The following PDLIM5 variants were observed in gnomAD, a reference collection of about 807,000 sequenced individuals.
The protein encoded by PDLIM5 is PDZ and LIM domain 5, also known as PDZ and LIM domain protein 5.
A neutral mutation model predicts 64.2 loss-of-function variants in PDLIM5; 34 were observed. The observed-to-expected ratio is 0.53, with a 90% CI of 0.40 to 0.71. The LOEUF (loss-of-function observed/expected upper bound fraction) is 0.71, where lower values mean the gene tolerates loss of function less well. PDLIM5 is among the 30% of genes least tolerant of loss of function. The pLI is 0.00. For synonymous variants in PDLIM5, 253 were observed against 269.1 expected (o/e 0.94, Z 0.59); for missense variants, 683 against 733.6 (o/e 0.93, Z 0.80).
intron 3 of PDLIM5, among the ~76,000 whole-genome samples, chr4:94,550,889 A>G (rs1044704718): frequency 6.6e-6 from 1 of 152,172 alleles, no homozygotes; most frequent in Non-Finnish European, 1.5e-5. Flanking sequence ...ATACTCACCT[A>G]AACTGGGGTT....
At chr4:94,460,432 T>C (rs1723772403) in intron 2 of PDLIM5, among the ~76,000 whole-genome samples, 1 of 152,126 alleles carries the variant, frequency 6.6e-6, no homozygotes, top group South Asian at 2.1e-4. Context: ...TTGTATCTGA[T>C]GGAGGAAACC....
chr4:94,468,085 A>G (rs1724532214), intron 2 of PDLIM5, among the ~76,000 whole-genome samples: 1 of 152,314 alleles, frequency 6.6e-6, no homozygotes, highest in Middle Eastern at 3.4e-3. Context: ...TGATTTTTGT[A>G]TGACTTGATG....
At chr4:94,570,444 G>A (rs907458264) in intron 3 of PDLIM5, among the ~76,000 whole-genome samples, 1 of 152,178 alleles carries the variant, frequency 6.6e-6, no homozygotes, top group Non-Finnish European at 1.5e-5. Context: ...TATGTGAAGA[G>A]TACAGTCTTT....
At chr4:94,546,140 A>G (rs979933057) in intron 3 of PDLIM5, among the ~76,000 whole-genome samples, 8 of 152,170 alleles carry the variant, frequency 5.3e-5, no homozygotes, top group African/African-American at 1.4e-4. Context: ...ACCATTTATG[A>G]TGCTTGCTTT....
At chr4:94,574,956 C>T (rs1011123543) in intron 4 of PDLIM5, among the ~76,000 whole-genome samples, 12 of 148,776 alleles carry the variant, frequency 8.1e-5, no homozygotes, top group East Asian at 2.0e-4. Flanking sequence ...AGGTGGATTA[C>T]AAGAAAGAAA....
At chr4:94,499,238 CTTTA>C (rs1381443757) in intron 2 of PDLIM5, among the ~76,000 whole-genome samples, 1 of 151,930 alleles carries the variant, frequency 6.6e-6, no homozygotes, top group Non-Finnish European at 1.5e-5. Flanking sequence ...AACCACAGGT[CTTTA>C]TTTAATTACA....
At chr4:94,653,002 G>A (rs1471135953) in intron 9 of PDLIM5, among the ~76,000 whole-genome samples, 1 of 152,132 alleles carries the variant, frequency 6.6e-6, no homozygotes, top group Non-Finnish European at 1.5e-5. Flanking sequence ...CAAGGTTTAT[G>A]TTATTGTCAG....
Position 94,623,795 on chromosome 4 carries a change from A to G in PDLIM5, c.1108+5604A>G, listed in dbSNP as rs527359133. 2.0e-4 allele frequency among the ~76,000 whole-genome samples: 30 copies of G among 152,246 alleles called. 1 individual carries two copies. In the South Asian group the frequency reaches 5.4e-3, roughly 27 times the overall value. ...TCCTGCCAAACTTGAAATTCCCACA[A>G]CAGTCATTGAAAAGGTGGGAGCACT... On this transcript the variant is annotated intron_variant, in intron 8 of 12. Coordinates refer to ENST00000317968, the MANE Select transcript of PDLIM5 (RefSeq NM_006457.5).
chr4:94,641,531 C>T (rs1543013), intron 9 of PDLIM5, among the ~76,000 whole-genome samples: 1 of 151,808 alleles, frequency 6.6e-6, no homozygotes, highest in Non-Finnish European at 1.5e-5. Context: ...TTCATTGTGA[C>T]GTTTAAAAAA....
In PDLIM5 at chr4:94,640,334, C is replaced by T. The variant is rs1345945731; in HGVS notation, c.1167C>T (p.Ala389=). Reference sequence around the variant, plus strand: ...CTTACTCAGGATCAGTGGCACCAGCCAACTCAGCTTTGGGACAAACCCAGC... The same window carrying T: ...CTTACTCAGGATCAGTGGCACCAGCTAACTCAGCTTTGGGACAAACCCAGC... ...SATYSGSVAP[A]NSALGQTQPS... Residue 389 remains alanine, a synonymous_variant, in exon 9 of 13, where the codon GCC becomes GCT. Coordinates refer to ENST00000317968, the MANE Select transcript of PDLIM5 (RefSeq NM_006457.5). The T allele has an allele frequency of 6.2e-7, 1 of 1,612,350 alleles. No homozygotes were observed. The highest frequency in any genetic ancestry group is 1.1e-5 in the South Asian group (1 of 91,042).
chr4:94,611,479 C>A (rs1320712574), intron 7 of PDLIM5, among the ~76,000 whole-genome samples: 1 of 152,102 alleles, frequency 6.6e-6, no homozygotes, highest in Non-Finnish European at 1.5e-5. Flanking sequence ...ATTTAAATTG[C>A]AGTAGAATTT....
intron 3 of PDLIM5, among the ~76,000 whole-genome samples, chr4:94,569,412 C>G (rs1479976647): frequency 6.6e-6 from 1 of 152,068 alleles, no homozygotes; most frequent in Non-Finnish European, 1.5e-5. Context: ...CTCTGCCTCC[C>G]AGGTTCAAGC....
At chr4:94,598,348 T>G (rs1413717107) in intron 7 of PDLIM5, among the ~76,000 whole-genome samples, 5 of 152,196 alleles carry the variant, frequency 3.3e-5, no homozygotes, top group African/African-American at 9.6e-5. Context: ...GGTGGCATAT[T>G]ATGCTAGTCC....
At chr4:94,608,094 G>C in intron 7 of PDLIM5, 1 of 1,533,198 alleles carries the variant, frequency 6.5e-7, no homozygotes, top group African/African-American at 1.4e-5. Flanking sequence ...CCTAAGAGTG[G>C]ACCTCACCCT....
At chr4:94,455,971 T>C (rs1723310364) in intron 2 of PDLIM5, 2 of 1,487,190 alleles carry the variant, frequency 1.3e-6, no homozygotes, top group Non-Finnish European at 1.8e-6. Flanking sequence ...TTTGAATGTA[T>C]TCTGTGTATA....
At chr4:94,569,568 C>T (rs1578394829) in intron 3 of PDLIM5, among the ~76,000 whole-genome samples, 3 of 152,284 alleles carry the variant, frequency 2.0e-5, no homozygotes, top group East Asian at 3.9e-4. Context: ...GATCCACCCA[C>T]CTCAGCCTCC....
chr4:94,478,380 G>T (rs907744411), intron 2 of PDLIM5, among the ~76,000 whole-genome samples: 2 of 152,012 alleles, frequency 1.3e-5, no homozygotes, highest in Admixed American at 6.6e-5. Context: ...TAAGTTTTTA[G>T]GGAGTCAAAA....
intron 9 of PDLIM5, among the ~76,000 whole-genome samples, chr4:94,643,160 GT>G (rs1297265458): frequency 6.6e-6 from 1 of 152,020 alleles, no homozygotes; most frequent in African/African-American, 2.4e-5. Context: ...AGCACATTCA[GT>G]TTAAAATTCC....
intron 8 of PDLIM5, among the ~76,000 whole-genome samples, chr4:94,621,222 C>T (rs1005309765): frequency 3.3e-5 from 5 of 151,774 alleles, no homozygotes; most frequent in African/African-American, 1.2e-4. Flanking sequence ...TTATTAGTCT[C>T]TGAAATTTCT....
Sources: allele counts gnomAD v4.1 joint callset (sites outside exome capture counted in the v4.1 genomes callset), GRCh38; gene constraint gnomAD v4.1.1; transcripts MANE v1.5; gene names NCBI Gene and HGNC (gene_info 2026-07-23, HGNC 2026-07-21).